DHRSX: variants seen among roughly 807,000 people sequenced by gnomAD.
DHRSX encodes the protein dehydrogenase/reductase X-linked, also known as polyprenol dehydrogenase.
Under a neutral mutation model 34.0 loss-of-function variants are expected in DHRSX, and 31 were observed. That is an observed-to-expected ratio of 0.91 (90% CI 0.69 to 1.23). The LOEUF (loss-of-function observed/expected upper bound fraction) is 1.23. Ranked by LOEUF, DHRSX falls within the 50% of genes most tolerant of loss-of-function variation. The probability of loss-of-function intolerance (pLI) is 0.00; values close to 1 mark genes in which losing one functional copy is unlikely to be tolerated. For missense variants in DHRSX, 414 were observed against 428.1 expected (o/e 0.97, Z 0.29); for synonymous variants, 201 against 183.8 (o/e 1.09, Z -0.76).
At chrX:2,412,117 T>C (rs970728859) in intron 2 of DHRSX, among the ~76,000 whole-genome samples, 1 of 152,222 alleles carries the variant, frequency 6.6e-6, no homozygotes, top group Non-Finnish European at 1.5e-5. Flanking sequence ...CTACATTTGC[T>C]GAGCAAGTAC....
At chrX:2,264,608 G>A (rs940683134) in intron 5 of DHRSX, among the ~76,000 whole-genome samples, 4 of 146,362 alleles carry the variant, frequency 2.7e-5, no homozygotes, top group Admixed American at 2.7e-4. Flanking sequence ...TGTTCCCAGA[G>A]GACCATGCCC....
chrX:2,442,792 C>T (rs1396117642), intron 1 of DHRSX, among the ~76,000 whole-genome samples: 1 of 152,154 alleles, frequency 6.6e-6, no homozygotes, highest in East Asian at 1.9e-4. Flanking sequence ...GGAATATTCC[C>T]TTTCCGAAGA....
intron 5 of DHRSX, among the ~76,000 whole-genome samples, chrX:2,250,967 C>T (rs984566486): frequency 2.0e-5 from 3 of 152,124 alleles, no homozygotes; most frequent in Non-Finnish European, 2.9e-5. Flanking sequence ...AGCTCGTACC[C>T]GGGAAATCGC....
intron 1 of DHRSX, among the ~76,000 whole-genome samples, chrX:2,467,368 T>A (rs1389280648): frequency 2.0e-5 from 3 of 152,082 alleles, no homozygotes; most frequent in Admixed American, 2.0e-4. Flanking sequence ...TTAGCTCTAG[T>A]CAGTTTGTTC....
chrX:2,274,072 G>C (rs553823476), intron 4 of DHRSX, among the ~76,000 whole-genome samples: 1 of 152,060 alleles, frequency 6.6e-6, no homozygotes, highest in African/African-American at 2.4e-5. Flanking sequence ...AACTCTTGCT[G>C]TGTCACCCAG....
rs1328558810 is a variant in DHRSX, at chrX:2,314,397, A to G, written c.287-22794T>C. Among the ~76,000 whole-genome samples, 3 of 43,636 alleles carry G rather than the reference A, an allele frequency of 6.9e-5. 1 individual carries two copies. Among genetic ancestry groups the G allele is most frequent in the Non-Finnish European group, 1.4e-4 (3 of 20,960 alleles). 28.6% of individuals were successfully genotyped at this position (43,636 alleles called of 152,430 possible). A position where few individuals can be genotyped will look rare whatever the true frequency, so the allele number is the denominator to read the frequency against. ...GGGAAAGGAATGGAGGGAAGGAAGG[A>G]AGGGAAAGAAGGGAGGGAAGGAAGG... On this transcript the variant is annotated intron_variant, in intron 3 of 6. Transcript: ENST00000334651.
rs766070155 is a variant in DHRSX, at chrX:2,408,580, C to T, written c.286+165G>A. On this transcript the variant is annotated intron_variant, in intron 3 of 6. Transcript: ENST00000334651. ...TTCGCCTTGCCTTGACCATCTCCTG[C>T]TCTAGGATGGGGCCAGAAATCCCCA... is the stretch of plus-strand genomic sequence containing the variant. 2.3e-5 allele frequency: 4 copies of T among 175,110 alleles called. No individual in the cohort carries two copies. In the South Asian group the frequency reaches 7.6e-4, roughly 33 times the overall value. 10.8% of individuals were successfully genotyped at this position (175,110 alleles called of 1,614,324 possible).
chrX:2,444,918 A>G (rs2044109045), intron 1 of DHRSX, among the ~76,000 whole-genome samples: 1 of 152,156 alleles, frequency 6.6e-6, no homozygotes. Context: ...GCACTTTGGG[A>G]GGCCGAGGCG....
intron 1 of DHRSX, among the ~76,000 whole-genome samples, chrX:2,482,808 C>G: frequency 6.6e-6 from 1 of 152,130 alleles, no homozygotes; most frequent in Non-Finnish European, 1.5e-5. Context: ...ACCTCGAACA[C>G]CCCAGGGTAA....
intron 2 of DHRSX, among the ~76,000 whole-genome samples, chrX:2,422,665 C>T (rs1381738088): frequency 1.3e-5 from 2 of 152,144 alleles, no homozygotes; most frequent in African/African-American, 2.4e-5. Context: ...AAAGGGTGCC[C>T]AGGCCTAGTG....
chrX:2,428,686 G>C (rs2043879860), intron 1 of DHRSX, among the ~76,000 whole-genome samples: 1 of 152,128 alleles, frequency 6.6e-6, no homozygotes, highest in Admixed American at 6.6e-5. Context: ...GGGTTGATGG[G>C]TGCAGCAAAC....
chrX:2,370,496 C>G (rs2043044490), intron 3 of DHRSX, among the ~76,000 whole-genome samples: 1 of 150,564 alleles, frequency 6.6e-6, no homozygotes, highest in Non-Finnish European at 1.5e-5. Context: ...TACGGAGACA[C>G]AATCAGTCCA....
intron 3 of DHRSX, among the ~76,000 whole-genome samples, chrX:2,361,955 C>A (rs151329940): frequency 0.015 from 2,309 of 152,222 alleles, 31 homozygotes; most frequent in Non-Finnish European, 0.024. Flanking sequence ...ATTCTTTCTT[C>A]AATTAGTCCT....
chrX:2,362,240 TGTAGCA>T (rs2042942156), intron 3 of DHRSX, among the ~76,000 whole-genome samples: 1 of 152,154 alleles, frequency 6.6e-6, no homozygotes, highest in Non-Finnish European at 1.5e-5. Flanking sequence ...CACTGCTGTC[TGTAGCA>T]ACAACCACTC....
chrX:2,475,399 A>G (rs6641585), intron 1 of DHRSX, among the ~76,000 whole-genome samples: 15,598 of 149,708 alleles, frequency 0.1, 1,094 homozygotes, highest in Admixed American at 0.16. Context: ...AATGCGACCA[A>G]GGGACCGCCA....
intron 3 of DHRSX, among the ~76,000 whole-genome samples, chrX:2,345,843 G>A (rs1479661028): frequency 6.6e-6 from 1 of 152,038 alleles, no homozygotes; most frequent in East Asian, 1.9e-4. Flanking sequence ...GCTCCTCCCT[G>A]GGTCTCCAGC....
At chrX:2,306,025 T>C (rs759165761) in intron 3 of DHRSX, among the ~76,000 whole-genome samples, 1 of 151,770 alleles carries the variant, frequency 6.6e-6, no homozygotes, top group African/African-American at 2.4e-5. Flanking sequence ...TGGGCTTTAA[T>C]ACTTAAGTGA....
chrX:2,497,225 T>G (rs1481329495), intron 1 of DHRSX, among the ~76,000 whole-genome samples: 1 of 151,990 alleles, frequency 6.6e-6, no homozygotes, highest in Non-Finnish European at 1.5e-5. Flanking sequence ...AGAAACCCCA[T>G]CTCACTAAAA....
chrX:2,283,484 C>G (rs1181157839), intron 4 of DHRSX, among the ~76,000 whole-genome samples: 1 of 152,166 alleles, frequency 6.6e-6, no homozygotes, highest in African/African-American at 2.4e-5. Flanking sequence ...CACTTTCCGT[C>G]TTCCCGGGAG....
Sources: gnomAD v4.1 joint callset for allele counts (sites outside exome capture counted in the v4.1 genomes callset) on GRCh38, gnomAD v4.1.1 for gene constraint, MANE v1.5 for transcripts, NCBI Gene and HGNC (gene_info 2026-07-23, HGNC 2026-07-21) for gene names.